The following AP4E1 variants were observed in gnomAD, a reference collection of about 807,000 sequenced individuals.
The protein encoded by AP4E1 is adaptor related protein complex 4 subunit epsilon 1.
Under a neutral mutation model 128.2 loss-of-function variants are expected in AP4E1, and 56 were observed. The ratio of observed to expected loss-of-function variants is 0.44; its 90% CI spans 0.35 to 0.55. The LOEUF (loss-of-function observed/expected upper bound fraction) is 0.55, where lower values mean the gene tolerates loss of function less well. AP4E1 is among the 20% of genes least tolerant of loss of function. The probability of loss-of-function intolerance (pLI) is 0.00; values close to 1 mark genes in which losing one functional copy is unlikely to be tolerated. For missense variants in AP4E1, 1,324 were observed against 1,307.7 expected (o/e 1.01, Z -0.19); for synonymous variants, 484 against 473.1 (o/e 1.02, Z -0.30).
At position 50,997,436 on chromosome 15, in the gene AP4E1, T is replaced by C. The variant is rs1338993937; in HGVS notation, c.2457T>C (p.Ser819=). 6 of 1,613,718 alleles carry C rather than the reference T, an allele frequency of 3.7e-6. No individual in the cohort carries two copies. The highest frequency in any genetic ancestry group is 5.1e-6 in the Non-Finnish European group (6 of 1,179,878). Residue 819 remains serine, a synonymous_variant, in exon 18 of 21, where the codon AGT becomes AGC. Transcript: ENST00000261842. ...ATAATATGACCTGTTCTTCCTTTAG[T>C]TCTTTGTCAAATGTGGCATATGAAG... The part of the protein sequence containing the change: ...STHNMTCSSF[S]SLSNVAYEDD...
intron 14 of AP4E1, among the ~76,000 whole-genome samples, chr15:50,962,409 A>G (rs1346345097): frequency 6.6e-6 from 1 of 152,080 alleles, no homozygotes; most frequent in African/African-American, 2.4e-5. Context: ...ATAAAGAAAG[A>G]CATACACACC....
chr15:50,957,369 C>T (rs1464074456), intron 13 of AP4E1, among the ~76,000 whole-genome samples: 1 of 152,172 alleles, frequency 6.6e-6, no homozygotes, highest in African/African-American at 2.4e-5. Flanking sequence ...AGCCGCTTCT[C>T]TCTGACATCC....
At chr15:50,950,242 C>G in intron 13 of AP4E1, 73 bp downstream of exon 13, 1 of 1,101,066 alleles carries the variant, frequency 9.1e-7, no homozygotes, top group Non-Finnish European at 1.3e-6. Flanking sequence ...ATATTTTCTT[C>G]AGAAACCATT....
chr15:50,959,218 A>AG, intron 14 of AP4E1, among the ~76,000 whole-genome samples: 1 of 152,258 alleles, frequency 6.6e-6, no homozygotes, highest in East Asian at 1.9e-4. Context: ...TCTCAAAAAA[A>AG]AAAAAAAGAT....
intron 16 of AP4E1, among the ~76,000 whole-genome samples, chr15:50,990,358 T>C (rs2064788684): frequency 6.8e-6 from 1 of 147,654 alleles, no homozygotes; most frequent in African/African-American, 2.5e-5. Flanking sequence ...TTATTATTAT[T>C]ATTATTATTA....
chr15:50,986,387 C>G lies in AP4E1; in HGVS notation c.2090+2242C>G, dbSNP rs867400559. Among the ~76,000 whole-genome samples, 36 of 151,644 alleles carry G rather than the reference C, an allele frequency of 2.4e-4. 1 individual carries two copies. The highest frequency in any genetic ancestry group is 8.3e-4 in the South Asian group (4 of 4,802). ...GAGAGGGCATCCCTGTCTTGTGCCA[C>G]TTTTCAAAGGGAATGCTTCCAGTTT... On this transcript the variant is annotated intron_variant, in intron 16 of 20. Coordinates refer to ENST00000261842, the MANE Select transcript of AP4E1 (RefSeq NM_007347.5).
At chr15:50,993,240 G>C (rs989427286) in intron 16 of AP4E1, 130 bp from the exon 17 acceptor site, 1 of 922,142 alleles carries the variant, frequency 1.1e-6, no homozygotes, top group Non-Finnish European at 1.7e-6. Context: ...TTTACTTCTG[G>C]TATATAGAAT....
At chr15:50,966,482 C>A (rs919930988) in intron 14 of AP4E1, among the ~76,000 whole-genome samples, 1 of 150,982 alleles carries the variant, frequency 6.6e-6, no homozygotes, top group Non-Finnish European at 1.5e-5. Context: ...CCGTTTTCCT[C>A]CAATAAAAAA....
chr15:50,974,589 A>G (rs2064527122), intron 15 of AP4E1, among the ~76,000 whole-genome samples: 1 of 151,760 alleles, frequency 6.6e-6, no homozygotes, highest in Non-Finnish European at 1.5e-5. Context: ...TTTTTGAGGA[A>G]CCTCCATACT....
In AP4E1 at chr15:50,930,793, G is replaced by A. The variant is rs765678833; in HGVS notation, c.703-12G>A. On this transcript the variant is annotated splice_polypyrimidine_tract_variant and intron_variant, in intron 6 of 20. Coordinates refer to ENST00000261842, the MANE Select transcript of AP4E1 (RefSeq NM_007347.5). ...ACGTTATTAACAAAGTTTTTTTTGC[G>A]GGGGGATGTAGGAGAATTCATCTGG... The A allele has an allele frequency of 1.9e-6, 3 of 1,611,380 alleles. No homozygotes were observed. The highest frequency in any genetic ancestry group is 2.5e-6 in the Non-Finnish European group (3 of 1,179,132).
At chr15:50,913,602 C>T (rs922824055) in intron 2 of AP4E1, among the ~76,000 whole-genome samples, 1 of 152,196 alleles carries the variant, frequency 6.6e-6, no homozygotes, top group Non-Finnish European at 1.5e-5. Flanking sequence ...GCACTTTCAT[C>T]TCTAAAAATA....
At position 51,005,640 on chromosome 15, in the gene AP4E1, G is replaced by T. The variant is rs1595590144; in HGVS notation, c.*2978G>T. ...GTAGTATTTTATTTTTTCCTTTTATGTCAGCAATATTTTAAAATATTGATC... is the reference window on the plus strand; with the variant it reads ...GTAGTATTTTATTTTTTCCTTTTATTTCAGCAATATTTTAAAATATTGATC... On this transcript the variant is annotated 3_prime_UTR_variant, in exon 21 of 21. Coordinates refer to ENST00000261842, the MANE Select transcript of AP4E1 (RefSeq NM_007347.5). 1 of 152,424 alleles carries T rather than the reference G, an allele frequency of 6.6e-6. No homozygotes were observed. Among genetic ancestry groups the T allele is most frequent in the East Asian group, 1.9e-4 (1 of 5,200 alleles). 9.4% of individuals were successfully genotyped at this position (152,424 alleles called of 1,614,324 possible). A position where few individuals can be genotyped will look rare whatever the true frequency, so the allele number is the denominator to read the frequency against.
chr15:50,976,587 C>T (rs143599232), intron 15 of AP4E1, among the ~76,000 whole-genome samples: 3 of 152,266 alleles, frequency 2.0e-5, no homozygotes, highest in African/African-American at 4.8e-5. Context: ...AATTGTTCCT[C>T]TTTGCAGATA....
intron 14 of AP4E1, among the ~76,000 whole-genome samples, chr15:50,961,722 C>G (rs932112440): frequency 6.6e-6 from 1 of 152,070 alleles, no homozygotes; most frequent in African/African-American, 2.4e-5. Flanking sequence ...TTCATCACTC[C>G]TATTCAACAT....
Position 50,953,654 on chromosome 15 carries a change from C to T in AP4E1, c.1548+3485C>T, listed in dbSNP as rs114716599. On this transcript the variant is annotated intron_variant, in intron 13 of 20. Coordinates refer to ENST00000261842, the MANE Select transcript of AP4E1 (RefSeq NM_007347.5). ...TGTAGTAAACCTTTATTTACTTAAT[C>T]ATGGCCCCACAGCACAAGAGTTGCG... Among the ~76,000 whole-genome samples, 698 of 152,266 alleles carry T rather than the reference C, an allele frequency of 4.6e-3. 7 individuals are homozygous for T. Among genetic ancestry groups the T allele is most frequent in the African/African-American group, 0.016 (654 of 41,554 alleles).
chr15:50,907,836 C>T (rs2249535), upstream of AP4E1, among the ~76,000 whole-genome samples: 78,995 of 151,994 alleles, frequency 0.52, 20,835 homozygotes, highest in South Asian at 0.62. Context: ...ATTTCGAGAG[C>T]CATTGTACCA....
chr15:50,998,062 A>G (rs1444376355), intron 18 of AP4E1, among the ~76,000 whole-genome samples, 179 bp downstream of exon 18: 1 of 152,218 alleles, frequency 6.6e-6, no homozygotes, highest in African/African-American at 2.4e-5. Context: ...TATACTGCTT[A>G]CTTCTTTCTC....
intron 1 of AP4E1, among the ~76,000 whole-genome samples, chr15:50,909,902 G>GTCTCGATCTCCTGACC (rs2063543553): frequency 6.6e-6 from 1 of 152,190 alleles, no homozygotes. Context: ...AGCGAGGATG[G>GTCTCGATCTCCTGACC]TCTCGATCTC....
At position 50,997,901 on chromosome 15, in the gene AP4E1, T is replaced by G. The variant is rs1473695266; in HGVS notation, c.2904+18T>G. On this transcript the variant is annotated intron_variant, in intron 18 of 20. Coordinates refer to ENST00000261842, the MANE Select transcript of AP4E1 (RefSeq NM_007347.5). ...ATTTCAAGGTAAAATTTAAAGGTAT[T>G]ATTGTTTTATTTTCAGTGTATATTT... is the stretch of plus-strand genomic sequence containing the variant. The G allele has an allele frequency of 6.4e-7, 1 of 1,561,976 alleles. No individual in the cohort carries two copies. The highest frequency in any genetic ancestry group is 8.7e-7 in the Non-Finnish European group (1 of 1,145,866).
Sources: allele counts gnomAD v4.1 joint callset (sites outside exome capture counted in the v4.1 genomes callset), GRCh38; gene constraint gnomAD v4.1.1; transcripts MANE v1.5; gene names NCBI Gene and HGNC (gene_info 2026-07-23, HGNC 2026-07-21).